Variants in DENND2A observed in about 807,000 individuals in gnomAD.
The protein encoded by DENND2A is DENN domain-containing protein 2A.
DENND2A carries 53 observed loss-of-function variants against 105.3 expected under a neutral mutation model. The observed-to-expected ratio is 0.50, with a 90% CI of 0.40 to 0.63. The LOEUF (loss-of-function observed/expected upper bound fraction) is 0.63. Among genes scored for constraint, DENND2A ranks in the 30% least tolerant of loss-of-function variants. The pLI, the probability that DENND2A is intolerant of heterozygous loss-of-function variation, is 0.00. For synonymous variants in DENND2A, 522 were observed against 508.4 expected, an observed-to-expected ratio of 1.03 and a Z score of -0.36; for missense variants, 1,138 against 1,279.6, an observed-to-expected ratio of 0.89 and a Z score of 1.69.
intron 18 of DENND2A, 90 bp downstream of exon 18, chr7:140,521,765 C>A: frequency 6.4e-7 from 1 of 1,565,852 alleles, no homozygotes; most frequent in South Asian, 1.2e-5. Context: ...GTCTGTGCCC[C>A]TGCCCTGTGA....
At chr7:140,550,985 T>C (rs1216736230) in intron 12 of DENND2A, among the ~76,000 whole-genome samples, 6 of 151,650 alleles carry the variant, frequency 4.0e-5, no homozygotes, top group African/African-American at 1.5e-4. Flanking sequence ...CTGAAAAGGC[T>C]GCTTAGGGGG....
chr7:140,590,463 G>A (rs1271264615), intron 3 of DENND2A, among the ~76,000 whole-genome samples: 1 of 152,196 alleles, frequency 6.6e-6, no homozygotes, highest in Non-Finnish European at 1.5e-5. Context: ...GGTTTGTTGG[G>A]ATAGGATTAG....
intron 14 of DENND2A, among the ~76,000 whole-genome samples, chr7:140,531,590 GGA>G (rs1421691617): frequency 6.6e-6 from 1 of 151,924 alleles, no homozygotes; most frequent in Non-Finnish European, 1.5e-5. Context: ...CCTGAGGTCA[GGA>G]GTTCAAGGCT....
intron 1 of DENND2A, among the ~76,000 whole-genome samples, chr7:140,608,666 A>G (rs913448586): frequency 2.7e-5 from 4 of 146,380 alleles, no homozygotes; most frequent in African/African-American, 1.1e-4. Context: ...ACACAGTGAG[A>G]CTCTGTCTTA....
intron 12 of DENND2A, among the ~76,000 whole-genome samples, chr7:140,552,189 G>A (rs1410546643): frequency 2.0e-5 from 3 of 152,266 alleles, no homozygotes; most frequent in Non-Finnish European, 2.9e-5. Flanking sequence ...TAGTCTGCTA[G>A]ACCTTGCCAA....
chr7:140,562,705 A>C (rs1019612700), intron 9 of DENND2A, among the ~76,000 whole-genome samples: 5 of 152,132 alleles, frequency 3.3e-5, no homozygotes, highest in Admixed American at 2.6e-4. Flanking sequence ...ACCCGCTTCC[A>C]GTATGATTCC....
In DENND2A at chr7:140,525,742, C is replaced by A; in HGVS notation, c.2547+9G>T. 6.2e-7 allele frequency: 1 copy of A among 1,605,838 alleles called. No individual in the cohort carries two copies. The highest frequency in any genetic ancestry group is 1.1e-5 in the South Asian group (1 of 89,254). On this transcript the variant is annotated intron_variant, in intron 16 of 19. Transcript: ENST00000496613. The stretch of plus-strand genomic sequence containing the variant: ...AAGGGAGCAGGAGGCCGTCGCTGGC[C>A]TCACTCACCTGTCTGAGGAACCGGC...
chr7:140,625,221 AC>A (rs1800474890), intron 1 of DENND2A, among the ~76,000 whole-genome samples: 1 of 151,782 alleles, frequency 6.6e-6, no homozygotes, highest in Admixed American at 6.6e-5. Flanking sequence ...TACTAAAAAC[AC>A]AAAAATTAGC....
Position 140,527,562 on chromosome 7 carries a change from G to A in DENND2A, c.2328-67C>T. ...AGGGCCCGAGGAAGCCTCCAGGGGA[G>A]AAGGCTCCTCCCAGAGACAGGATGA... On this transcript the variant is annotated intron_variant, in intron 14 of 19. Coordinates refer to ENST00000496613, the MANE Select transcript of DENND2A (RefSeq NM_015689.5). This position sits in a 1 kb window ranked among gnomAD's most constrained non-coding sequence, Gnocchi z 4.9. The A allele has an allele frequency of 6.8e-7, 1 of 1,471,260 alleles. No homozygotes were observed. Among genetic ancestry groups the A allele is most frequent in the Non-Finnish European group, 9.1e-7 (1 of 1,097,892 alleles). The allele number at this position is 1,471,260 out of a possible 1,614,324, so 91.1% of individuals were successfully genotyped here. A position where few individuals can be genotyped will look rare whatever the true frequency, so the allele number is the denominator to read the frequency against.
intron 5 of DENND2A, among the ~76,000 whole-genome samples, chr7:140,578,920 T>G (rs569923654): frequency 1.2e-4 from 19 of 152,086 alleles, no homozygotes; most frequent in Non-Finnish European, 2.6e-4. Context: ...ATTCTAACAA[T>G]GGGGACTAAT....
chr7:140,610,603 AG>A (rs1198729590), intron 1 of DENND2A, among the ~76,000 whole-genome samples: 3 of 152,080 alleles, frequency 2.0e-5, no homozygotes, highest in Non-Finnish European at 4.4e-5. Flanking sequence ...TGTTTTTTAA[AG>A]GGGCTTAGAA....
intron 1 of DENND2A, among the ~76,000 whole-genome samples, chr7:140,623,573 C>CA (rs1800384252): frequency 6.6e-6 from 1 of 151,698 alleles, no homozygotes; most frequent in African/African-American, 2.4e-5. Flanking sequence ...ACTAAAAATA[C>CA]AAAAATTAGC....
chr7:140,613,664 T>A (rs1440188089), intron 1 of DENND2A, among the ~76,000 whole-genome samples: 3 of 123,502 alleles, frequency 2.4e-5, no homozygotes, highest in Non-Finnish European at 4.8e-5. Flanking sequence ...CAGCCACCCT[T>A]AAAATTAAAA....
At chr7:140,536,092 C>T (rs1415787551) in intron 14 of DENND2A, among the ~76,000 whole-genome samples, 1 of 152,160 alleles carries the variant, frequency 6.6e-6, no homozygotes, top group African/African-American at 2.4e-5. Flanking sequence ...GTGGTTCACG[C>T]CTATAATCCC....
intron 1 of DENND2A, among the ~76,000 whole-genome samples, chr7:140,637,329 GT>G (rs1800984002): frequency 3.3e-5 from 5 of 152,342 alleles, no homozygotes; most frequent in Admixed American, 3.3e-4. Flanking sequence ...GACAGCTATA[GT>G]TGGCAAGAAA....
At chr7:140,617,721 C>T (rs1179655627) in intron 1 of DENND2A, among the ~76,000 whole-genome samples, 1 of 152,092 alleles carries the variant, frequency 6.6e-6, no homozygotes, top group Non-Finnish European at 1.5e-5. Flanking sequence ...CTCAAAACAA[C>T]AACAACAAAA....
At chr7:140,604,201 C>T (rs1799615099) in intron 2 of DENND2A, among the ~76,000 whole-genome samples, 1 of 152,236 alleles carries the variant, frequency 6.6e-6, no homozygotes, top group Non-Finnish European at 1.5e-5. Context: ...GAATAAGTAG[C>T]AATTTCATGC....
intron 14 of DENND2A, 103 bp downstream of exon 14, chr7:140,544,515 A>G (rs1796811938): frequency 1.4e-6 from 2 of 1,478,788 alleles, no homozygotes; most frequent in East Asian, 4.6e-5. Flanking sequence ...TTATCTCAGA[A>G]GGGCTTACTC....
At chr7:140,614,586 G>T (rs1426005701) in intron 1 of DENND2A, among the ~76,000 whole-genome samples, 2 of 152,132 alleles carry the variant, frequency 1.3e-5, no homozygotes, top group East Asian at 3.8e-4. Flanking sequence ...AAGGCCATGG[G>T]CTATTCAGCT....
Sources: allele counts gnomAD v4.1 joint callset (sites outside exome capture counted in the v4.1 genomes callset), GRCh38; gene constraint gnomAD v4.1.1; non-coding constraint Gnocchi (gnomAD v3.1); transcripts MANE v1.5; gene names NCBI Gene and HGNC (gene_info 2026-07-23, HGNC 2026-07-21).